PPP1R12B: variants seen among roughly 807,000 people sequenced by gnomAD.
PPP1R12B encodes the protein myosin phosphatase target subunit 2.
Under a neutral mutation model 126.1 loss-of-function variants are expected in PPP1R12B, and 76 were observed. The ratio of observed to expected loss-of-function variants is 0.60; its 90% CI spans 0.50 to 0.73. The LOEUF is 0.73. Ranked by LOEUF, PPP1R12B falls within the 30% of genes least tolerant of loss-of-function variation. The pLI, the probability that PPP1R12B is intolerant of heterozygous loss-of-function variation, is 0.00. For missense variants in PPP1R12B, 1,052 were observed against 1,205.1 expected (o/e 0.87, Z 1.88); for synonymous variants, 356 against 434.7 (o/e 0.82, Z 2.25).
Position 202,508,138 on chromosome 1 carries a change from A to G in PPP1R12B, c.2490+11316A>G, listed in dbSNP as rs938308000. ...AAAGATGAATGGCCACCACCTCCCA[A>G]TTTTAACTTTTCTCCATACTGTCTC... On this transcript the variant is annotated intron_variant, in intron 18 of 23. Transcript: ENST00000608999. The surrounding 1 kb of genome is among the most constrained non-coding windows in gnomAD (Gnocchi z 4.5). Among the ~76,000 whole-genome samples, 2 of 152,188 alleles carry G rather than the reference A, an allele frequency of 1.3e-5. No homozygotes were observed. The highest frequency in any genetic ancestry group is 2.4e-5 in the African/African-American group (1 of 41,448).
chr1:202,400,595 T>C (rs1486019822), intron 1 of PPP1R12B, among the ~76,000 whole-genome samples: 1 of 152,222 alleles, frequency 6.6e-6, no homozygotes, highest in Non-Finnish European at 1.5e-5. Flanking sequence ...TATGAGGGCA[T>C]GTGAAAGTGT....
At chr1:202,439,967 G>T (rs1273068659) in intron 10 of PPP1R12B, 1 of 160,152 alleles carries the variant, frequency 6.2e-6, no homozygotes, top group Non-Finnish European at 1.4e-5. Context: ...AATTCAGTAT[G>T]GCCTAAGAGG....
At chr1:202,528,198 ACT>A (rs759681196) in intron 18 of PPP1R12B, among the ~76,000 whole-genome samples, 2 of 152,122 alleles carry the variant, frequency 1.3e-5, no homozygotes, top group Non-Finnish European at 2.9e-5. Flanking sequence ...ATAGAGATTG[ACT>A]CTGTAACTTT....
chr1:202,480,518 C>A (rs887481479), intron 13 of PPP1R12B, among the ~76,000 whole-genome samples: 3 of 152,126 alleles, frequency 2.0e-5, no homozygotes, highest in Non-Finnish European at 4.4e-5. Context: ...AGTAATTTGG[C>A]AGACATTTTC....
intron 10 of PPP1R12B, chr1:202,438,442 GC>G: frequency 2.2e-6 from 1 of 445,114 alleles, no homozygotes; most frequent in African/African-American, 2.0e-5. Context: ...CCCGCCTCCT[GC>G]CAGGGTCCCA....
At chr1:202,444,056 A>G (rs1233661337) in intron 12 of PPP1R12B, among the ~76,000 whole-genome samples, 1 of 152,128 alleles carries the variant, frequency 6.6e-6, no homozygotes, top group Non-Finnish European at 1.5e-5. Flanking sequence ...TTTTATAAAA[A>G]CCTCTTATGG....
At chr1:202,530,424 T>C (rs1376238208) in intron 18 of PPP1R12B, among the ~76,000 whole-genome samples, 3 of 152,218 alleles carry the variant, frequency 2.0e-5, no homozygotes, top group African/African-American at 7.2e-5. Flanking sequence ...AAAGCTATGT[T>C]GTTCACATTA....
intron 10 of PPP1R12B, chr1:202,438,281 T>C (rs776617129): frequency 1.3e-6 from 2 of 1,553,386 alleles, no homozygotes; most frequent in South Asian, 2.3e-5. Flanking sequence ...CTTGCCCCCT[T>C]ACCTAAAGCA....
At chr1:202,573,855 G>A (rs1305223576) in intron 23 of PPP1R12B, among the ~76,000 whole-genome samples, 1 of 152,150 alleles carries the variant, frequency 6.6e-6, no homozygotes, top group Non-Finnish European at 1.5e-5. Context: ...GGTTTCTCCA[G>A]CTTTTTTGCA....
At chr1:202,498,792 G>A (rs1222572239) in intron 18 of PPP1R12B, among the ~76,000 whole-genome samples, 1 of 152,166 alleles carries the variant, frequency 6.6e-6, no homozygotes, top group Non-Finnish European at 1.5e-5. Context: ...AAAGCGGAGG[G>A]CATTCCATTG....
At chr1:202,433,124 A>G (rs549102955) in intron 8 of PPP1R12B, among the ~76,000 whole-genome samples, 14 of 152,338 alleles carry the variant, frequency 9.2e-5, no homozygotes, top group Admixed American at 9.1e-4. Flanking sequence ...CATGCACAGT[A>G]TGCTCCGGAA....
At chr1:202,402,980 C>T (rs1309202187) in intron 1 of PPP1R12B, among the ~76,000 whole-genome samples, 1 of 152,112 alleles carries the variant, frequency 6.6e-6, no homozygotes, top group African/African-American at 2.4e-5. Context: ...AAAGCAAATA[C>T]AACATTAATA....
In PPP1R12B at chr1:202,420,967, C is replaced by CTTTTTTTTTTTTTT. The variant is rs56164548; in HGVS notation, c.423-1645_423-1632dup. On this transcript the variant is annotated intron_variant, in intron 2 of 23. Transcript: ENST00000608999. The stretch of plus-strand genomic sequence containing the variant: ...CTATTGATTCTTTTCCCTCTGCCAA[C>CTTTTTTTTTTTTTT]TTTTTTTTTTTTTTTTTTTTTGAGA... Among the ~76,000 whole-genome samples the CTTTTTTTTTTTTTT allele has an allele frequency of 9.4e-4, 112 of 118,532 alleles. 5 individuals carry two copies. The highest frequency in any genetic ancestry group is 3.3e-3 in the African/African-American group (98 of 29,482). The allele number at this position is 118,532 out of a possible 152,430, so 77.8% of individuals were successfully genotyped here.
At chr1:202,402,605 G>T (rs1315711470) in intron 1 of PPP1R12B, among the ~76,000 whole-genome samples, 1 of 152,096 alleles carries the variant, frequency 6.6e-6, no homozygotes, top group Non-Finnish European at 1.5e-5. Context: ...GACTGTTAAG[G>T]CCTAGCAGAA....
Position 202,524,119 on chromosome 1 carries a change from A to G in PPP1R12B, c.2490+27297A>G, listed in dbSNP as rs561323429. 2.2e-4 allele frequency among the ~76,000 whole-genome samples: 34 copies of G among 152,322 alleles called. No individual in the cohort carries two copies. In the South Asian group the frequency reaches 5.8e-3, roughly 26 times the overall value. Reference sequence around the variant, plus strand: ...ATTTCAGTAATCCAGGCAAGAAATGATGACAGGGGCTTGGATCACATGGTA... The same window carrying G: ...ATTTCAGTAATCCAGGCAAGAAATGGTGACAGGGGCTTGGATCACATGGTA... On this transcript the variant is annotated intron_variant, in intron 18 of 23. Coordinates refer to ENST00000608999, the MANE Select transcript of PPP1R12B (RefSeq NM_002481.4).
intron 23 of PPP1R12B, chr1:202,576,281 G>A (rs1193571038): frequency 6.6e-6 from 1 of 152,212 alleles, no homozygotes; most frequent in Non-Finnish European, 1.5e-5. Flanking sequence ...CAAGCTCACA[G>A]ACAACTGGTT....
intron 13 of PPP1R12B, among the ~76,000 whole-genome samples, chr1:202,472,756 G>A (rs1360159898): frequency 1.3e-5 from 2 of 152,194 alleles, no homozygotes. Flanking sequence ...TTAGTGTCTA[G>A]AGCAGGGATC....
chr1:202,441,476 G>A (rs538245842), intron 11 of PPP1R12B, among the ~76,000 whole-genome samples: 93 of 152,130 alleles, frequency 6.1e-4, no homozygotes, highest in African/African-American at 2.1e-3. Flanking sequence ...TGCATGTTAG[G>A]ACTCCAGAAT....
At chr1:202,511,482 G>T (rs2148895096) in intron 18 of PPP1R12B, among the ~76,000 whole-genome samples, 1 of 152,112 alleles carries the variant, frequency 6.6e-6, no homozygotes, top group Admixed American at 6.5e-5. Context: ...CTCCCAAAGT[G>T]CTGGGATTAC....
Sources: allele counts gnomAD v4.1 joint callset (sites outside exome capture counted in the v4.1 genomes callset), GRCh38; gene constraint gnomAD v4.1.1; non-coding constraint Gnocchi (gnomAD v3.1); transcripts MANE v1.5; gene names NCBI Gene and HGNC (gene_info 2026-07-23, HGNC 2026-07-21).